The following PNPLA1 variants were observed in gnomAD, a reference collection of about 807,000 sequenced individuals.
PNPLA1 encodes patatin like domain 1, omega-hydroxyceramide transacylase.
In PNPLA1, 36 loss-of-function variants were observed where a neutral mutation model predicts 51.7. That is an observed-to-expected ratio of 0.70 (90% CI 0.53 to 0.92). The LOEUF (loss-of-function observed/expected upper bound fraction) is 0.92. PNPLA1 is among the 40% of genes least tolerant of loss of function. PNPLA1 has a pLI of 0.00. For missense variants in PNPLA1, 658 were observed against 682.5 expected, an observed-to-expected ratio of 0.96 and a Z score of 0.40; for synonymous variants, 293 against 280.1, an observed-to-expected ratio of 1.05 and a Z score of -0.46.
chr6:36,304,099 T>C (rs1410124096), intron 6 of PNPLA1, among the ~76,000 whole-genome samples: 1 of 152,064 alleles, frequency 6.6e-6, no homozygotes, highest in Admixed American at 6.5e-5. Flanking sequence ...CAAGGTACTT[T>C]AGGAAGGAGA....
At chr6:36,259,358 C>CAAACCTCCAAA (rs1300788704) in intron 1 of PNPLA1, among the ~76,000 whole-genome samples, 1 of 152,004 alleles carries the variant, frequency 6.6e-6, no homozygotes, top group Non-Finnish European at 1.5e-5. Context: ...CCTCCAAAAC[C>CAAACCTCCAAA]ATCGATTATC....
intron 1 of PNPLA1, among the ~76,000 whole-genome samples, chr6:36,244,943 T>C (rs1054901125): frequency 6.6e-6 from 1 of 152,032 alleles, no homozygotes; most frequent in African/African-American, 2.4e-5. Context: ...GGCTCACAGG[T>C]AAGGGTTTTT....
intron 1 of PNPLA1, among the ~76,000 whole-genome samples, chr6:36,252,582 C>G (rs778275672): frequency 2.7e-5 from 4 of 150,618 alleles, no homozygotes; most frequent in Non-Finnish European, 5.9e-5. Context: ...TGTCAGGGAG[C>G]CCAAGGGAAG....
chr6:36,270,452 C>A lies in PNPLA1; in HGVS notation c.-8C>A. On this transcript the variant is annotated 5_prime_UTR_variant, in exon 1 of 9. Transcript: ENST00000636260. ...TCCGCCTTCCGCAGAAAGTCAGAGG[C>A]CGAGGAGATGGAAGAACAGGTGTTC... 1 of 1,551,004 alleles carries A rather than the reference C, an allele frequency of 6.4e-7. No homozygotes were observed. Among genetic ancestry groups the A allele is most frequent in the Non-Finnish European group, 8.7e-7 (1 of 1,146,924 alleles).
intron 1 of PNPLA1, among the ~76,000 whole-genome samples, chr6:36,286,844 A>G (rs1770503418): frequency 6.7e-6 from 1 of 149,874 alleles, no homozygotes; most frequent in African/African-American, 2.5e-5. Context: ...ATGCCTGGCT[A>G]ATTTAAATTT....
At position 36,312,925 on chromosome 6, in the gene PNPLA1, G is replaced by A. The variant is rs1440962790; in HGVS notation, c.*1039G>A. On this transcript the variant is annotated 3_prime_UTR_variant, in exon 9 of 9. Coordinates refer to ENST00000636260, the MANE Select transcript of PNPLA1 (RefSeq NM_001374623.1). ...CTGTCCAAGGGCAAAACTCTTGGGG[G>A]CCCAGCAGGACTGAGCCAACGACAC... Among the ~76,000 whole-genome samples, 1 of 152,152 alleles carries A rather than the reference G, an allele frequency of 6.6e-6. No homozygotes were observed. Among genetic ancestry groups the A allele is most frequent in the Non-Finnish European group, 1.5e-5 (1 of 68,034 alleles).
chr6:36,306,064 G>A (rs1163969017), intron 6 of PNPLA1, among the ~76,000 whole-genome samples: 2 of 152,114 alleles, frequency 1.3e-5, no homozygotes, highest in Non-Finnish European at 2.9e-5. Flanking sequence ...CCTGGGAGTT[G>A]TTTCTAATGT....
rs573107168 is a variant in PNPLA1 at position 36,294,481 on chromosome 6, A to C, written c.714+82A>C. On this transcript the variant is annotated intron_variant, in intron 4 of 8. Transcript: ENST00000636260. The surrounding 1 kb of genome is among the most constrained non-coding windows in gnomAD (Gnocchi z 4.2). ...GTTAGAGAGCCACTGGGGCCCACTCAAGTTCCATCTGAGTCTCCTCCCCTC... is the reference window on the plus strand; with the variant it reads ...GTTAGAGAGCCACTGGGGCCCACTCCAGTTCCATCTGAGTCTCCTCCCCTC... The C allele has an allele frequency of 2.1e-4, 277 of 1,326,986 alleles. No individual in the cohort carries two copies. The African/African-American group carries it at 3.6e-3, about 17-fold the overall frequency. The allele number at this position is 1,326,986 out of a possible 1,614,324, so 82.2% of individuals were successfully genotyped here. A position where few individuals can be genotyped will look rare whatever the true frequency, so the allele number is the denominator to read the frequency against.
At chr6:36,310,531 A>T (rs141418710) in intron 8 of PNPLA1, among the ~76,000 whole-genome samples, 8 of 152,310 alleles carry the variant, frequency 5.3e-5, no homozygotes, top group Middle Eastern at 3.4e-3. Context: ...CTTTTCTTTG[A>T]GTTTCTATGG....
intron 1 of PNPLA1, among the ~76,000 whole-genome samples, chr6:36,282,212 G>GGAAAGGAA (rs1554136650): frequency 9.2e-6 from 1 of 108,632 alleles, no homozygotes; most frequent in African/African-American, 3.4e-5. Context: ...AAGGAAGGAA[G>GGAAAGGAA]GGAAGGAAGG....
In PNPLA1 at chr6:36,243,808, A is replaced by G. The variant is rs191130356; in HGVS notation, c.-81+547A>G. On this transcript the variant is annotated intron_variant, in intron 1 of 7. Transcript: ENST00000312917. ...TGGTGCCTGGGGAATTGCATGGGAAAGGAAAAGATGAATTGCATGTGCCCT... is the reference window on the plus strand; with the variant it reads ...TGGTGCCTGGGGAATTGCATGGGAAGGGAAAAGATGAATTGCATGTGCCCT... Among the ~76,000 whole-genome samples, 63 of 152,302 alleles carry G rather than the reference A, an allele frequency of 4.1e-4. No individual in the cohort carries two copies. The Middle Eastern group carries it at 0.01, about 25-fold the overall frequency.
intron 1 of PNPLA1, among the ~76,000 whole-genome samples, chr6:36,255,164 C>G (rs76413797): frequency 5.9e-5 from 9 of 151,348 alleles, no homozygotes; most frequent in Non-Finnish European, 1.3e-4. Context: ...GTCAGGAGTT[C>G]GAGACCAGCC....
At chr6:36,264,317 A>T (rs977559295) in intron 1 of PNPLA1, among the ~76,000 whole-genome samples, 4 of 152,244 alleles carry the variant, frequency 2.6e-5, no homozygotes, top group African/African-American at 9.6e-5. Context: ...AGAATGATAC[A>T]TGTTGTCCCA....
chr6:36,289,484 CCTCACTAAAACCGT>C (rs1228910236), intron 1 of PNPLA1, among the ~76,000 whole-genome samples: 1 of 152,136 alleles, frequency 6.6e-6, no homozygotes. Context: ...GTAAGGCTAA[CCTCACTAAAACCGT>C]AGGGCCTTTC....
At chr6:36,292,918 G>A (rs1217402221) in intron 2 of PNPLA1, 143 bp from the exon 3 acceptor site, 11 of 625,220 alleles carry the variant, frequency 1.8e-5, no homozygotes, top group South Asian at 9.6e-5. Flanking sequence ...AACTGAACTC[G>A]GAGCTTTGCT....
intron 1 of PNPLA1, among the ~76,000 whole-genome samples, chr6:36,252,372 T>C (rs559972175): frequency 1.3e-5 from 2 of 152,118 alleles, no homozygotes; most frequent in African/African-American, 4.8e-5. Context: ...AGAGACAGCA[T>C]GGATTGCTGC....
Position 36,301,872 on chromosome 6 carries a change from C to G in PNPLA1, c.787C>G (p.Leu263Val). 1.9e-6 allele frequency: 3 copies of G among 1,613,462 alleles called. No individual in the cohort carries two copies. The highest frequency in any genetic ancestry group is 2.5e-6 in the Non-Finnish European group (3 of 1,179,536). ...ATTGTTTATCCTAGATGCTGTTTAT[C>G]TTAATTCTTCCTCCAAGAGAGTGAT... ...LYLRRLNAVY[L>V]NSSSKRVIFP... The change falls in exon 6 of 9, where the codon CTT becomes GTT. Residue 263 changes from leucine (L) to valine (V), a missense_variant. Physicochemically the swap from Leu to Val is conservative, Grantham distance 32 (BLOSUM62 1). Transcript: ENST00000636260.
Position 36,294,348 on chromosome 6 carries a change from C to T in PNPLA1, c.663C>T (p.Ser221=), listed in dbSNP as rs1287340982. The T allele has an allele frequency of 1.4e-5, 22 of 1,614,094 alleles. No individual in the cohort carries two copies. Among genetic ancestry groups the T allele is most frequent in the Non-Finnish European group, 1.9e-5 (22 of 1,180,034 alleles). Residue 221 remains serine (S), a synonymous_variant, in exon 4 of 9, where the codon TCC becomes TCT. Coordinates refer to ENST00000636260, the MANE Select transcript of PNPLA1 (RefSeq NM_001374623.1). This position sits in a 1 kb window ranked among gnomAD's most constrained non-coding sequence, Gnocchi z 4.2. ...TGTTCAACTGCTCCTTCCAGTTCTCCCTGGAGAACATCGCCAGGATGACCC... is the reference window on the plus strand; with the variant it reads ...TGTTCAACTGCTCCTTCCAGTTCTCTCTGGAGAACATCGCCAGGATGACCC... ...FRMFNCSFQF[S]LENIARMTHA...
At chr6:36,253,832 T>C (rs1268785653) in intron 1 of PNPLA1, among the ~76,000 whole-genome samples, 2 of 152,184 alleles carry the variant, frequency 1.3e-5, no homozygotes, top group Non-Finnish European at 2.9e-5. Flanking sequence ...TCATTGCACA[T>C]GAGAATTTTG....
Sources: allele counts gnomAD v4.1 joint callset (sites outside exome capture counted in the v4.1 genomes callset), GRCh38; gene constraint gnomAD v4.1.1; non-coding constraint Gnocchi (gnomAD v3.1); transcripts MANE v1.5; gene names NCBI Gene and HGNC (gene_info 2026-07-23, HGNC 2026-07-21).